KMT5B: variants seen among roughly 807,000 people sequenced by gnomAD.
KMT5B encodes lysine methyltransferase 5B.
In KMT5B, 10 loss-of-function variants were observed where a neutral mutation model predicts 83.2. That is an observed-to-expected ratio of 0.12 (90% CI 0.07 to 0.20). KMT5B has a LOEUF of 0.20. KMT5B is among the 10% of genes least tolerant of loss of function. The pLI, the probability that KMT5B is intolerant of heterozygous loss-of-function variation, is 1.00. For missense variants in KMT5B, 753 were observed against 1,067.2 expected (o/e 0.71, Z 4.10); for synonymous variants, 349 against 388.8 (o/e 0.90, Z 1.20).
intron 1 of KMT5B, 144 bp from the exon 2 acceptor site, chr11:68,190,296 C>T: frequency 1.9e-6 from 1 of 525,458 alleles, no homozygotes; most frequent in Admixed American, 3.6e-5. Context: ...AATGACAGAC[C>T]ACATAAACAA....
chr11:68,190,759 G>A (rs181615886), intron 1 of KMT5B, among the ~76,000 whole-genome samples: 7 of 152,268 alleles, frequency 4.6e-5, no homozygotes, highest in East Asian at 3.9e-4. Context: ...CATGGCAGGC[G>A]GACTGCTTGA....
At position 68,178,806 on chromosome 11, in the gene KMT5B, AT is replaced by A. The variant is rs550327023; in HGVS notation, c.377+1325del. Among the ~76,000 whole-genome samples the A allele has an allele frequency of 9.2e-3, 1,380 of 149,854 alleles. 7 individuals are homozygous for A. The highest frequency in any genetic ancestry group is 0.012 in the Non-Finnish European group (793 of 67,200). ...CAAATGCACTGAAAACCTTAGGGAA[AT>A]TTTTTTTTTTCCTATTATTGAACAG... On this transcript the variant is annotated intron_variant, in intron 4 of 10. Coordinates refer to ENST00000304363, the MANE Select transcript of KMT5B (RefSeq NM_017635.5).
At position 68,158,365 on chromosome 11, in the gene KMT5B, C is replaced by T. The variant is rs377537908; in HGVS notation, c.1981G>A (p.Val661Met). Residue 661 changes from valine (V) to methionine (M), a missense_variant, in exon 11 of 11, where the codon GTG becomes ATG. Val to Met is a conservative substitution (Grantham distance 21). Around this residue, in one of 9 missense-constraint regions of KMT5B, gnomAD observed 397 missense variants for 395.9 expected, o/e 1.00. Coordinates refer to ENST00000304363, the MANE Select transcript of KMT5B (RefSeq NM_017635.5). ...DQGEHSGTVG[V>M]PVSYTDCAPS... ...GCACAGTCTGTGTAGCTCACAGGCA[C>T]GCCCACAGTGCCACTGTGCTCACCC... 4.2e-5 allele frequency: 67 copies of T among 1,613,996 alleles called. No homozygotes were observed. Among genetic ancestry groups the T allele is most frequent in the Middle Eastern group, 3.3e-4 (2 of 6,084 alleles).
chr11:68,210,328 G>T (rs1860743081), intron 1 of KMT5B, among the ~76,000 whole-genome samples: 1 of 152,018 alleles, frequency 6.6e-6, no homozygotes, highest in African/African-American at 2.4e-5. Flanking sequence ...TTCAAAAAAA[G>T]GAGGTAAAAC....
chr11:68,158,620 C>T lies in KMT5B; in HGVS notation c.1726G>A (p.Gly576Ser), dbSNP rs770295770. 6.2e-7 allele frequency: 1 copy of T among 1,614,198 alleles called. No individual in the cohort carries two copies. The highest frequency in any genetic ancestry group is 8.5e-7 in the Non-Finnish European group (1 of 1,180,050). ...ACAGGAGCTGGCTGCAGCTGTTCAC[C>T]ACTGTCGGGGCAAGGTTCCGTCACA... Reference protein sequence around the residue: ...SSVTEPCPDSGEQLQPAPVLQ... With the variant: ...SSVTEPCPDSSEQLQPAPVLQ... The change falls in exon 11 of 11, where the codon GGT becomes AGT. Residue 576 changes from glycine to serine, a missense_variant. By Grantham distance (56) the Gly-to-Ser change is moderately conservative. This residue lies in a region of KMT5B where 397 missense variants were observed against 395.9 expected (regional missense o/e 1.00). Transcript: ENST00000304363.
chr11:68,203,027 G>A (rs1859648158), intron 1 of KMT5B, among the ~76,000 whole-genome samples: 1 of 152,040 alleles, frequency 6.6e-6, no homozygotes, highest in South Asian at 2.1e-4. Flanking sequence ...CCAGGCTGTA[G>A]TGCAGTGGCA....
At chr11:68,183,099 A>G (rs1206741444) in intron 3 of KMT5B, among the ~76,000 whole-genome samples, 4 of 152,058 alleles carry the variant, frequency 2.6e-5, no homozygotes, top group Non-Finnish European at 5.9e-5. Context: ...GGCATAATCA[A>G]TATAACTTTC....
Position 68,158,627 on chromosome 11 carries a change from G to C in KMT5B, c.1719C>G (p.Pro573=). 1 of 1,614,068 alleles carries C rather than the reference G, an allele frequency of 6.2e-7. No homozygotes were observed. The highest frequency in any genetic ancestry group is 8.5e-7 in the Non-Finnish European group (1 of 1,180,016). ...GYKSSVTEPC[P]DSGEQLQPAP... ...CTGGCTGCAGCTGTTCACCACTGTC[G>C]GGGCAAGGTTCCGTCACACTGCTTT... Residue 573 remains proline, a synonymous_variant, in exon 11 of 11, where the codon CCC becomes CCG. Coordinates refer to ENST00000304363, the MANE Select transcript of KMT5B (RefSeq NM_017635.5).
intron 1 of KMT5B, among the ~76,000 whole-genome samples, chr11:68,206,411 T>C (rs1009925045): frequency 6.6e-6 from 1 of 152,192 alleles, no homozygotes; most frequent in Non-Finnish European, 1.5e-5. Context: ...CAAGGACAAG[T>C]GTGAGGAAAA....
chr11:68,177,257 C>G lies in KMT5B; in HGVS notation c.378-2074G>C, dbSNP rs559874177. On this transcript the variant is annotated intron_variant, in intron 4 of 10. Transcript: ENST00000304363. ...TGTTAATATGCTAAAAACTGCATTG[C>G]TATAGCACCTAAAAGTATAGAAATT... Among the ~76,000 whole-genome samples the G allele has an allele frequency of 5.3e-5, 8 of 152,238 alleles. No individual in the cohort carries two copies. The South Asian group carries it at 1.7e-3, about 32-fold the overall frequency.
At chr11:68,193,960 CAGTA>C (rs1858395965) in intron 1 of KMT5B, among the ~76,000 whole-genome samples, 1 of 151,770 alleles carries the variant, frequency 6.6e-6, no homozygotes, top group African/African-American at 2.4e-5. Context: ...CCACCACACT[CAGTA>C]AGAGCAGTGT....
chr11:68,171,407 A>C lies in KMT5B; in HGVS notation c.820+136T>G. 7.8e-7 allele frequency: 1 copy of C among 1,277,322 alleles called. No individual in the cohort carries two copies. Among genetic ancestry groups the C allele is most frequent in the Non-Finnish European group, 1.1e-6 (1 of 920,648 alleles). The allele number at this position is 1,277,322 out of a possible 1,614,324, so 79.1% of individuals were successfully genotyped here. ...ACTAAAGGAATATACATTTATTTTA[A>C]TAAGTTTGTGGAAACATTTCTATTT... On this transcript the variant is annotated intron_variant, in intron 7 of 10. Coordinates refer to ENST00000304363, the MANE Select transcript of KMT5B (RefSeq NM_017635.5). The surrounding 1 kb of genome is among the most constrained non-coding windows in gnomAD (Gnocchi z 5.1).
chr11:68,172,255 C>T (rs141886760), intron 6 of KMT5B, among the ~76,000 whole-genome samples: 116 of 152,168 alleles, frequency 7.6e-4, no homozygotes, highest in African/African-American at 2.5e-3. Flanking sequence ...TTATTTGAGA[C>T]GGAATCTCGC....
intron 10 of KMT5B, among the ~76,000 whole-genome samples, chr11:68,161,020 C>G (rs1854812704): frequency 6.6e-6 from 1 of 152,154 alleles, no homozygotes; most frequent in Non-Finnish European, 1.5e-5. Context: ...CATAAACCAG[C>G]AGAATTCACA....
chr11:68,187,796 C>T (rs188863096), intron 2 of KMT5B, among the ~76,000 whole-genome samples: 2 of 152,220 alleles, frequency 1.3e-5, no homozygotes, highest in East Asian at 3.9e-4. Flanking sequence ...GTTTTTCTTT[C>T]CTGTATCTTA....
intron 1 of KMT5B, among the ~76,000 whole-genome samples, chr11:68,198,447 C>A (rs1336750949): frequency 1.4e-4 from 2 of 14,002 alleles, no homozygotes; most frequent in African/African-American, 4.1e-4. Context: ...AAAGACAAGA[C>A]AAGACAAGAC....
In KMT5B at chr11:68,198,437, A is replaced by AAAGAC. The variant is rs146631548; in HGVS notation, c.-76-8290_-76-8286dup. The stretch of plus-strand genomic sequence containing the variant: ...AGAAGATGAAGGAAAGGAAAGGAAA[A>AAAGAC]AAGACAAGACAAGACAAGACAAGAC... On this transcript the variant is annotated intron_variant, in intron 1 of 10. Coordinates refer to ENST00000304363, the MANE Select transcript of KMT5B (RefSeq NM_017635.5). Among the ~76,000 whole-genome samples, 868 of 148,730 alleles carry AAAGAC rather than the reference A, an allele frequency of 5.8e-3. 7 individuals are homozygous for AAAGAC. Among genetic ancestry groups the AAAGAC allele is most frequent in the East Asian group, 0.013 (66 of 4,996 alleles).
intron 1 of KMT5B, among the ~76,000 whole-genome samples, chr11:68,195,751 A>C (rs1858622045): frequency 6.6e-6 from 1 of 152,138 alleles, no homozygotes; most frequent in Non-Finnish European, 1.5e-5. Context: ...TGTGACCAGT[A>C]ATTTTTTTTA....
intron 1 of KMT5B, among the ~76,000 whole-genome samples, chr11:68,202,945 A>G (rs1859639698): frequency 6.6e-6 from 1 of 152,018 alleles, no homozygotes; most frequent in Non-Finnish European, 1.5e-5. Context: ...TATACCCAGA[A>G]GTAGAATTGC....
Sources: gnomAD v4.1 joint callset for allele counts (sites outside exome capture counted in the v4.1 genomes callset) on GRCh38, gnomAD v4.1.1 for gene constraint, gnomAD v4.1.1 regional missense constraint, Gnocchi (gnomAD v3.1) non-coding constraint, MANE v1.5 for transcripts, NCBI Gene and HGNC (gene_info 2026-07-23, HGNC 2026-07-21) for gene names.